The following COL6A6 variants were observed in gnomAD, a reference collection of about 807,000 sequenced individuals.
The protein encoded by COL6A6 is collagen alpha-6(VI) chain.
COL6A6 carries 183 observed loss-of-function variants against 208.6 expected under a neutral mutation model. That is an observed-to-expected ratio of 0.88 (90% CI 0.78 to 0.99). COL6A6 has a LOEUF of 0.99. COL6A6 is among the 50% of genes least tolerant of loss of function. The probability of loss-of-function intolerance (pLI) is 0.00; values close to 1 mark genes in which losing one functional copy is unlikely to be tolerated. For missense variants in COL6A6, 2,816 were observed against 2,815.2 expected (o/e 1.00, Z -0.01); for synonymous variants, 973 against 1,011.8 (o/e 0.96, Z 0.73).
At chr3:130,641,258 T>C (rs909349722) in intron 28 of COL6A6, among the ~76,000 whole-genome samples, 8 of 152,206 alleles carry the variant, frequency 5.3e-5, no homozygotes, top group African/African-American at 1.9e-4. Flanking sequence ...AACTAAATCA[T>C]GGTACAACCA....
intron 1 of COL6A6, among the ~76,000 whole-genome samples, chr3:130,526,864 G>C (rs931945020): frequency 1.3e-5 from 2 of 152,022 alleles, no homozygotes; most frequent in African/African-American, 4.8e-5. Flanking sequence ...CTGCCTGACT[G>C]CCTACCAGGT....
intron 19 of COL6A6, among the ~76,000 whole-genome samples, chr3:130,599,517 G>A (rs911790324): frequency 1.3e-5 from 2 of 152,172 alleles, no homozygotes; most frequent in Non-Finnish European, 2.9e-5. Flanking sequence ...AACTTAGACA[G>A]TAGTGATGAA....
chr3:130,649,340 T>C lies in COL6A6; in HGVS notation c.5511T>C (p.Ser1837=), dbSNP rs1182330086. The change falls in exon 33 of 37, where the codon TCT becomes TCC. Residue 1837 remains serine (S), a synonymous_variant. Transcript: ENST00000358511. The part of the protein sequence containing the change: ...EIETIPYERS[S]ASREIGRAMR... ...AAACTATTCCTTATGAGAGATCCTC[T>C]GCCAGCAGGGAGATTGGCAGAGCAA... 2 of 1,610,380 alleles carry C rather than the reference T, an allele frequency of 1.2e-6. No individual in the cohort carries two copies. Among genetic ancestry groups the C allele is most frequent in the East Asian group, 2.2e-5 (1 of 44,796 alleles).
intron 1 of COL6A6, among the ~76,000 whole-genome samples, chr3:130,543,152 C>T (rs1367571928): frequency 6.6e-6 from 1 of 152,120 alleles, no homozygotes; most frequent in Non-Finnish European, 1.5e-5. Flanking sequence ...GATCTGCCCA[C>T]CTCGGCCTCC....
Position 130,626,527 on chromosome 3 carries a change from C to A in COL6A6, c.4921C>A (p.Pro1641Thr). ...DLGEKGAVGF[P>T]GPRGLQGNDG... The stretch of plus-strand genomic sequence containing the variant: ...GGGAGAAAAAGGAGCTGTTGGCTTT[C>A]CTGGTCCTCGTGGCTTGCAGGTTTG... The change falls in exon 25 of 37, where the codon CCT becomes ACT. Residue 1641 changes from proline to threonine, a missense_variant. Coordinates refer to ENST00000358511, the MANE Select transcript of COL6A6 (RefSeq NM_001102608.3). The A allele has an allele frequency of 1.9e-5, 30 of 1,613,290 alleles. No homozygotes were observed. Among genetic ancestry groups the A allele is most frequent in the Non-Finnish European group, 2.4e-5 (28 of 1,179,224 alleles).
intron 1 of COL6A6, among the ~76,000 whole-genome samples, chr3:130,541,992 G>A (rs6768269): frequency 0.77 from 117,064 of 152,020 alleles, 46,098 homozygotes; most frequent in Non-Finnish European, 0.85. Context: ...ATGTCCATGG[G>A]ATCTGCAGTG....
rs2063184411 is a variant in COL6A6 at position 130,572,168 on chromosome 3, CAGA to C, written c.2977+778_2977+780del. 5.9e-5 allele frequency among the ~76,000 whole-genome samples: 9 copies of C among 152,270 alleles called. No homozygotes were observed. The South Asian group carries it at 1.9e-3, about 32-fold the overall frequency. ...GCTTCTTTGCTTATTTCAATTGTGG[CAGA>C]AGGTCATTTAAAATGTGAAGCCCAG... is the stretch of plus-strand genomic sequence containing the variant. On this transcript the variant is annotated intron_variant, in intron 7 of 36. Coordinates refer to ENST00000358511, the MANE Select transcript of COL6A6 (RefSeq NM_001102608.3).
At chr3:130,641,554 GA>G in intron 28 of COL6A6, 97 bp from the exon 29 acceptor site, 1 of 558,976 alleles carries the variant, frequency 1.8e-6, no homozygotes, top group Non-Finnish European at 2.9e-6. Context: ...TTTCACTTTT[GA>G]ATTTTCACCT....
At chr3:130,634,222 T>TAAAAAAAAAAAAAAAAAAAAA (rs2065034155) in intron 26 of COL6A6, among the ~76,000 whole-genome samples, 1 of 18,718 alleles carries the variant, frequency 5.3e-5, no homozygotes, top group Non-Finnish European at 8.0e-5. Context: ...AATAAATAAA[T>TAAAAAAAAAAAAAAAAAAAAA]AAATAAATAA....
chr3:130,604,321 G>A (rs928137639), intron 20 of COL6A6, among the ~76,000 whole-genome samples: 1 of 151,658 alleles, frequency 6.6e-6, no homozygotes, highest in African/African-American at 2.4e-5. Flanking sequence ...GTGAAACCCC[G>A]TCTCTACTAA....
chr3:130,529,798 AAAG>A (rs1473266616), intron 1 of COL6A6, among the ~76,000 whole-genome samples: 48 of 152,146 alleles, frequency 3.2e-4, no homozygotes, highest in Admixed American at 1.6e-3. Context: ...TGGCCCTGGA[AAAG>A]TTCATGAGGG....
chr3:130,638,584 C>T (rs1484938), intron 28 of COL6A6, among the ~76,000 whole-genome samples: 55,877 of 152,054 alleles, frequency 0.37, 13,423 homozygotes, highest in African/African-American at 0.66. Flanking sequence ...TCCCTTGTTT[C>T]GTGGAAAACT....
intron 35 of COL6A6, among the ~76,000 whole-genome samples, chr3:130,663,703 A>G (rs1372002716): frequency 2.0e-5 from 3 of 152,176 alleles, no homozygotes; most frequent in Non-Finnish European, 4.4e-5. Context: ...AAATTATATT[A>G]TTAGATAAAT....
At chr3:130,550,447 G>A (rs1463273043) in intron 1 of COL6A6, among the ~76,000 whole-genome samples, 1 of 152,148 alleles carries the variant, frequency 6.6e-6, no homozygotes, top group Non-Finnish European at 1.5e-5. Context: ...GTTTGTCATA[G>A]ATGGCTCTGT....
In COL6A6 at chr3:130,661,682, CT is replaced by C; in HGVS notation, c.5877del (p.Val1960CysfsTer25). The C allele has an allele frequency of 1.2e-6, 2 of 1,613,942 alleles. No individual in the cohort carries two copies. The highest frequency in any genetic ancestry group is 1.7e-6 in the Non-Finnish European group (2 of 1,179,840). ...DASCDQARPPPVQSYMDAAFL... is the reference protein window; with the variant it reads ...DASCDQARPPXVQSYMDAAFL... ...TCTTGTGACCAAGCCAGACCACCCC[CT>C]GTGCAGTCTTACATGGATGCTGCTT... On this transcript the variant is annotated frameshift_variant, in exon 35 of 37. Coordinates refer to ENST00000358511, the MANE Select transcript of COL6A6 (RefSeq NM_001102608.3). LOFTEE classifies it high-confidence loss of function.
intron 23 of COL6A6, 107 bp from the exon 24 acceptor site, chr3:130,621,714 A>G (rs1172977922): frequency 3.2e-5 from 28 of 887,056 alleles, no homozygotes; most frequent in Non-Finnish European, 3.9e-5. Context: ...CGATACAGCC[A>G]TAACTCTTCT....
At chr3:130,527,890 C>CT (rs56110472) in intron 1 of COL6A6, among the ~76,000 whole-genome samples, 214 of 57,824 alleles carry the variant, frequency 3.7e-3, no homozygotes, top group East Asian at 6.5e-3. Flanking sequence ...GTTACTTTTC[C>CT]TTTTTTTTTT....
chr3:130,605,847 G>T (rs1410381601), intron 20 of COL6A6, among the ~76,000 whole-genome samples: 1 of 152,182 alleles, frequency 6.6e-6, no homozygotes, highest in East Asian at 1.9e-4. Context: ...ATGGTGGCAG[G>T]CAAGACAGAA....
intron 1 of COL6A6, among the ~76,000 whole-genome samples, chr3:130,559,490 T>C (rs1161398540): frequency 1.3e-5 from 2 of 152,208 alleles, no homozygotes; most frequent in Non-Finnish European, 2.9e-5. Context: ...AGAGCCTGCC[T>C]GGTATAGGGT....
Sources: allele counts gnomAD v4.1 joint callset (sites outside exome capture counted in the v4.1 genomes callset), GRCh38; gene constraint gnomAD v4.1.1; transcripts MANE v1.5; gene names NCBI Gene and HGNC (gene_info 2026-07-23, HGNC 2026-07-21).